OLFM1: variants seen among roughly 807,000 people sequenced by gnomAD.
OLFM1 encodes olfactomedin 1, also known as noelin.
In OLFM1, 9 loss-of-function variants were observed where a neutral mutation model predicts 49.7. That is an observed-to-expected ratio of 0.18 (90% confidence interval 0.11 to 0.32). The LOEUF (loss-of-function observed/expected upper bound fraction) is 0.32, where lower values mean the gene tolerates loss of function less well. Ranked by LOEUF, OLFM1 falls within the 10% of genes least tolerant of loss-of-function variation. The pLI, the probability that OLFM1 is intolerant of heterozygous loss-of-function variation, is 1.00. For synonymous variants in OLFM1, 240 were observed against 271.8 expected (o/e 0.88, Z 1.15); for missense variants, 369 against 661.8 (o/e 0.56, Z 4.85).
At chr9:135,084,159 C>T (rs1304737438), upstream of OLFM1, among the ~76,000 whole-genome samples, 2 of 152,376 alleles carry the variant, frequency 1.3e-5, no homozygotes, top group Admixed American at 1.3e-4. The surrounding 1 kb of genome is among the most constrained non-coding windows in gnomAD (Gnocchi z 4.6). Flanking sequence ...CCCATTCTGC[C>T]TGGCTTGAGG....
At chr9:135,076,000 G>C (rs1025048546) in intron 1 of OLFM1, 121 of 1,438,526 alleles carry the variant, frequency 8.4e-5, no homozygotes, top group Non-Finnish European at 9.3e-5. Flanking sequence ...GCTGACCGGA[G>C]ACGGCGCTCC....
upstream of OLFM1, chr9:135,087,245 C>T (rs1462308858): frequency 1.4e-6 from 2 of 1,425,160 alleles, no homozygotes; most frequent in East Asian, 5.6e-5. Context: ...ACGGCCCAGG[C>T]TGGCTGGGAC....
upstream of OLFM1, among the ~76,000 whole-genome samples, chr9:135,085,610 C>T (rs1272367180): frequency 6.6e-6 from 1 of 152,276 alleles, no homozygotes; most frequent in Admixed American, 6.5e-5. Flanking sequence ...TTCAGAGCTG[C>T]AGGTGTGATG....
At chr9:135,076,619 C>A in intron 1 of OLFM1, 3 of 1,087,326 alleles carry the variant, frequency 2.8e-6, no homozygotes, top group South Asian at 1.8e-5. Context: ...GCCTGCCAGC[C>A]GAGGGAGCCG....
chr9:135,114,890 T>C (rs1831075267), intron 5 of OLFM1, among the ~76,000 whole-genome samples: 3 of 152,234 alleles, frequency 2.0e-5, no homozygotes, highest in Middle Eastern at 6.8e-3. Flanking sequence ...ACACGGATTA[T>C]TCCCATGTGC....
intron 4 of OLFM1, among the ~76,000 whole-genome samples, chr9:135,102,048 G>A (rs1018565812): frequency 1.3e-5 from 2 of 152,330 alleles, no homozygotes; most frequent in East Asian, 1.9e-4. Context: ...ACTGGAACGC[G>A]TCTTAACAAA....
chr9:135,111,466 C>T (rs1252220710), intron 5 of OLFM1, among the ~76,000 whole-genome samples: 1 of 152,090 alleles, frequency 6.6e-6, no homozygotes, highest in Non-Finnish European at 1.5e-5. Context: ...CCTCCACGAC[C>T]CCCAGGAGGC....
chr9:135,088,246 G>C lies in OLFM1; in HGVS notation c.150+107G>C. ...GCGGGCGCCGCGCGGGACCCGAGTCGCCCAGGGAGGCGGCGGGGAGCAGGG... is the reference window on the plus strand; with the variant it reads ...GCGGGCGCCGCGCGGGACCCGAGTCCCCCAGGGAGGCGGCGGGGAGCAGGG... On this transcript the variant is annotated intron_variant, in intron 1 of 5. Transcript: ENST00000371793. This position sits in a 1 kb window ranked among gnomAD's most constrained non-coding sequence, Gnocchi z 4.8. 2 of 1,066,672 alleles carry C rather than the reference G, an allele frequency of 1.9e-6. No homozygotes were observed. The highest frequency in any genetic ancestry group is 1.7e-5 in the African/African-American group (1 of 60,232). 66.1% of individuals were successfully genotyped at this position (1,066,672 alleles called of 1,614,324 possible).
At chr9:135,091,547 TCACA>T in intron 2 of OLFM1, among the ~76,000 whole-genome samples, 1 of 89,938 alleles carries the variant, frequency 1.1e-5, no homozygotes, top group South Asian at 3.9e-4. Flanking sequence ...ACTCACATAG[TCACA>T]CACTCATAGT....
chr9:135,092,253 C>A (rs571190823), intron 2 of OLFM1, among the ~76,000 whole-genome samples: 1 of 152,256 alleles, frequency 6.6e-6, no homozygotes, highest in Admixed American at 6.5e-5. Context: ...TTCGAGTGCC[C>A]ACCCAGCTCT....
At chr9:135,083,118 T>C (rs1201768568), upstream of OLFM1, among the ~76,000 whole-genome samples, 1 of 152,114 alleles carries the variant, frequency 6.6e-6, no homozygotes, top group Non-Finnish European at 1.5e-5. Flanking sequence ...CTTTCCCAAT[T>C]AGTTACGGTG....
rs916912130 is a variant in OLFM1 at position 135,120,311 on chromosome 9, C to T, written c.*133C>T. ...TCATCAGCAGTGCGGATTCTGACAT[C>T]GAGGGATGGCATTACCTCCGTGTTT... On this transcript the variant is annotated 3_prime_UTR_variant, in exon 6 of 6. Coordinates refer to ENST00000371793, the MANE Select transcript of OLFM1 (RefSeq NM_001282611.2). The T allele has an allele frequency of 2.2e-5, 17 of 772,320 alleles. No homozygotes were observed. The East Asian group carries it at 3.3e-4, about 15-fold the overall frequency. 47.8% of individuals were successfully genotyped at this position (772,320 alleles called of 1,614,324 possible).
At chr9:135,075,754 G>A in exon 1 of OLFM1, 1 of 1,606,758 alleles carries the variant, frequency 6.2e-7, no homozygotes, top group Non-Finnish European at 8.5e-7. Context: ...CGGCCCGGAA[G>A]CTCCTCAGCC....
intron 2 of OLFM1, among the ~76,000 whole-genome samples, chr9:135,090,742 T>G (rs559349243): frequency 3.9e-4 from 60 of 152,224 alleles, no homozygotes; most frequent in Non-Finnish European, 7.4e-4. Flanking sequence ...GGGCTGGGGC[T>G]GTCACCCAGC....
upstream of OLFM1, chr9:135,086,729 C>T (rs1268381756): frequency 6.6e-6 from 3 of 455,642 alleles, no homozygotes; most frequent in Non-Finnish European, 1.3e-5. Context: ...ACGCGTGAGT[C>T]CTGCTGCGGT....
chr9:135,115,965 C>T (rs1831090540), intron 5 of OLFM1, among the ~76,000 whole-genome samples: 1 of 152,186 alleles, frequency 6.6e-6, no homozygotes, highest in African/African-American at 2.4e-5. Flanking sequence ...TTGCTGGGTG[C>T]CCTTGGGTCT....
Position 135,106,804 on chromosome 9 carries a change from G to A in OLFM1, c.732G>A (p.Ser244=), listed in dbSNP as rs572415673. Residue 244 remains serine (S), a synonymous_variant, in exon 5 of 6, where the codon TCG becomes TCA. Coordinates refer to ENST00000371793, the MANE Select transcript of OLFM1 (RefSeq NM_001282611.2). ...SDPVTVKTSG[S]RFGSWMTDPL... ...CCGTGACTGTCAAGACCTCCGGCTC[G>A]AGGTTCGGATCCTGGATGACAGACC... The A allele has an allele frequency of 3.8e-5, 61 of 1,613,444 alleles. No homozygotes were observed. The East Asian group carries it at 5.4e-4, about 14-fold the overall frequency.
chr9:135,092,626 G>A (rs1830731915), intron 2 of OLFM1, among the ~76,000 whole-genome samples: 1 of 152,162 alleles, frequency 6.6e-6, no homozygotes, highest in Admixed American at 6.5e-5. Context: ...GGAAAACAGA[G>A]CCCTGAGCCC....
At chr9:135,083,211 C>G (rs1338970102), upstream of OLFM1, among the ~76,000 whole-genome samples, 1 of 152,172 alleles carries the variant, frequency 6.6e-6, no homozygotes, top group African/African-American at 2.4e-5. Context: ...GGTGACGTGT[C>G]TGCTGAATTG....
Sources: allele counts gnomAD v4.1 joint callset (sites outside exome capture counted in the v4.1 genomes callset), GRCh38; gene constraint gnomAD v4.1.1; non-coding constraint Gnocchi (gnomAD v3.1); transcripts MANE v1.5; gene names NCBI Gene and HGNC (gene_info 2026-07-23, HGNC 2026-07-21).